Variants in PODXL observed in about 807,000 individuals in gnomAD.
The protein encoded by PODXL is podocalyxin.
PODXL carries 20 observed loss-of-function variants against 48.9 expected under a neutral mutation model. The observed-to-expected ratio is 0.41, with a 90% CI of 0.29 to 0.59. The LOEUF (loss-of-function observed/expected upper bound fraction) is 0.59. PODXL is among the 20% of genes least tolerant of loss of function. PODXL has a pLI of 0.31. For synonymous variants in PODXL, 295 were observed against 287.4 expected (o/e 1.03, Z -0.27); for missense variants, 606 against 675.1 (o/e 0.90, Z 1.13).
intron 1 of PODXL, among the ~76,000 whole-genome samples, chr7:131,544,477 C>T (rs1317611226): frequency 1.3e-5 from 2 of 152,218 alleles, no homozygotes; most frequent in Non-Finnish European, 2.9e-5. Flanking sequence ...AGCCGATCCA[C>T]AGCACAAGCT....
At chr7:131,524,787 A>C (rs1798154079) in intron 1 of PODXL, among the ~76,000 whole-genome samples, 1 of 152,194 alleles carries the variant, frequency 6.6e-6, no homozygotes, top group Non-Finnish European at 1.5e-5. Flanking sequence ...GTCACATAAA[A>C]ACCTACATGC....
intron 1 of PODXL, among the ~76,000 whole-genome samples, chr7:131,533,592 C>T (rs754337285): frequency 2.6e-5 from 4 of 152,180 alleles, no homozygotes; most frequent in African/African-American, 4.8e-5. Flanking sequence ...GCAGGGAGGG[C>T]ACTGTGGCCA....
In PODXL at chr7:131,556,278, G is replaced by GCGACGGCGACGGCGACGGCGACGA. The variant is rs1798742670; in HGVS notation, c.81_82insTCGTCGCCGTCGCCGTCGCCGTCG (p.Ser27_Pro28insSerSerProSerProSerProSer). On this transcript the variant is annotated inframe_insertion, in exon 1 of 9. Transcript: ENST00000378555. ...CACTCACCATTCTGGGAGGGCGACG[G>GCGACGGCGACGGCGACGGCGACGA]CGACGGCGACGGCGACGACGGCAGC... 1 of 1,460,104 alleles carries GCGACGGCGACGGCGACGGCGACGA rather than the reference G, an allele frequency of 6.8e-7. No homozygotes were observed. The highest frequency in any genetic ancestry group is 9.0e-7 in the Non-Finnish European group (1 of 1,115,838). 90.4% of individuals were successfully genotyped at this position (1,460,104 alleles called of 1,614,324 possible). A position where few individuals can be genotyped will look rare whatever the true frequency, so the allele number is the denominator to read the frequency against.
chr7:131,509,211 G>T, intron 4 of PODXL, 154 bp downstream of exon 4: 1 of 813,838 alleles, frequency 1.2e-6, no homozygotes, highest in Non-Finnish European at 2.1e-6. Flanking sequence ...GCCAGGACCA[G>T]GCTAACCAGG....
intron 1 of PODXL, among the ~76,000 whole-genome samples, chr7:131,542,031 C>T (rs1013938845): frequency 1.3e-5 from 2 of 152,176 alleles, no homozygotes; most frequent in East Asian, 1.9e-4. Context: ...CACACTCATG[C>T]GCACAGCTGT....
At chr7:131,516,367 C>T (rs879412527) in intron 1 of PODXL, among the ~76,000 whole-genome samples, 5 of 152,076 alleles carry the variant, frequency 3.3e-5, no homozygotes, top group African/African-American at 7.2e-5. Flanking sequence ...GGTGAAACCC[C>T]GTCTCTACTA....
Position 131,511,242 on chromosome 7 carries a change from G to C in PODXL, c.292C>G (p.Gln98Glu). 6.2e-7 allele frequency: 1 copy of C among 1,614,080 alleles called. No individual in the cohort carries two copies. The highest frequency in any genetic ancestry group is 8.5e-7 in the Non-Finnish European group (1 of 1,179,994). Residue 98 changes from glutamine (Q) to glutamate (E), a missense_variant, in exon 2 of 9, where the codon CAA becomes GAA. Physicochemically the swap from Gln to Glu is conservative, Grantham distance 29. Coordinates refer to ENST00000378555, the MANE Select transcript of PODXL (RefSeq NM_001018111.3). ...DSPGTTTLAQ[Q>E]VSGPVNTTVA... Reference sequence around the variant, plus strand: ...GTAGTGTTGACTGGGCCTGAGACTTGCTGAGCCAGGGTTGTAGTCCCCGGT... The same window carrying C: ...GTAGTGTTGACTGGGCCTGAGACTTCCTGAGCCAGGGTTGTAGTCCCCGGT...
intron 4 of PODXL, 31 bp downstream of exon 4, chr7:131,509,334 C>A (rs747926187): frequency 1.2e-5 from 19 of 1,538,244 alleles, no homozygotes; most frequent in Middle Eastern, 1.7e-4. Context: ...AGTCTGGGTT[C>A]TCCTACTTGC....
rs187904089 is a variant in PODXL at position 131,510,280 on chromosome 7, G to A, written c.758C>T (p.Ser253Leu). 1.0e-5 allele frequency: 4 copies of A among 401,192 alleles called. No homozygotes were observed. The highest frequency in any genetic ancestry group is 4.5e-5 in the African/African-American group (2 of 44,550). The allele number at this position is 401,192 out of a possible 1,614,324, so 24.9% of individuals were successfully genotyped here. ...VSQAGLELLT[S>L]GDLPTLASQS... ...GGAGGCCAAGGTGGGCAGATCACCC[G>A]AGGTCAGGAGTTCAAGACCAGCCTG... The change falls in exon 3 of 9, where the codon TCG becomes TTG. Residue 253 changes from serine (S) to leucine (L), a missense_variant. By Grantham distance (145) the Ser-to-Leu change is moderately radical. Coordinates refer to ENST00000378555, the MANE Select transcript of PODXL (RefSeq NM_001018111.3).
Position 131,500,482 on chromosome 7 carries a change from G to A in PODXL, c.*3829C>T, listed in dbSNP as rs1182078850. The A allele has an allele frequency of 1.3e-5, 2 of 152,564 alleles. No homozygotes were observed. The highest frequency in any genetic ancestry group is 1.3e-4 in the Admixed American group (2 of 15,280). 9.5% of individuals were successfully genotyped at this position (152,564 alleles called of 1,614,324 possible). A position where few individuals can be genotyped will look rare whatever the true frequency, so the allele number is the denominator to read the frequency against. ...TGCAGACAAAAAGACCAACACCAAA[G>A]AGTCATCTGTGTCCTCCATGCTGTG... On this transcript the variant is annotated 3_prime_UTR_variant, in exon 9 of 9. Transcript: ENST00000378555.
intron 1 of PODXL, among the ~76,000 whole-genome samples, chr7:131,523,678 C>CAA (rs753654977): frequency 4.7e-4 from 29 of 61,920 alleles, no homozygotes; most frequent in African/African-American, 1.2e-3. Context: ...GAATCCGTCT[C>CAA]AAAAAAAAAA....
Position 131,511,190 on chromosome 7 carries a change from T to C in PODXL, c.344A>G (p.Asn115Ser). The change falls in exon 2 of 9, where the codon AAC (asparagine) becomes AGC (serine). Residue 115 changes from asparagine (N) to serine (S), a missense_variant. Transcript: ENST00000378555. ...TTVARGGGSGNPTTTIESPKS... is the reference protein window; with the variant it reads ...TTVARGGGSGSPTTTIESPKS... Reference sequence around the variant, plus strand: ...GGGGCTCTCGATGGTGGTAGTAGGGTTGCCTGAGCCGCCTCCTCTAGCCAC... The same window carrying C: ...GGGGCTCTCGATGGTGGTAGTAGGGCTGCCTGAGCCGCCTCCTCTAGCCAC... 4 of 1,614,026 alleles carry C rather than the reference T, an allele frequency of 2.5e-6. No homozygotes were observed. Among genetic ancestry groups the C allele is most frequent in the Non-Finnish European group, 3.4e-6 (4 of 1,179,988 alleles).
intron 1 of PODXL, among the ~76,000 whole-genome samples, chr7:131,553,040 C>CCT (rs1316139174): frequency 6.6e-6 from 1 of 152,134 alleles, no homozygotes; most frequent in Non-Finnish European, 1.5e-5. Flanking sequence ...CCCACCTTGG[C>CCT]CTCTCAAATT....
chr7:131,534,014 T>C (rs966397363), intron 1 of PODXL, among the ~76,000 whole-genome samples: 1 of 147,122 alleles, frequency 6.8e-6, no homozygotes, highest in African/African-American at 2.5e-5. Flanking sequence ...GCTATAATTA[T>C]ATTCCTGCTG....
intron 1 of PODXL, among the ~76,000 whole-genome samples, chr7:131,524,387 G>GAGAGAGAGAGAGAGAGAGAC (rs1401006227): frequency 1.6e-4 from 18 of 116,090 alleles, no homozygotes; most frequent in Non-Finnish European, 3.0e-4. Flanking sequence ...CACAGAGAGA[G>GAGAGAGAGAGAGAGAGAGAC]AGAGAGAGAG....
At chr7:131,513,544 A>T (rs1245150310) in intron 1 of PODXL, among the ~76,000 whole-genome samples, 2 of 152,208 alleles carry the variant, frequency 1.3e-5, no homozygotes, top group African/African-American at 4.8e-5. Flanking sequence ...TGCTCCTATG[A>T]AAATGCCAGC....
At position 131,554,823 on chromosome 7, in the gene PODXL, C is replaced by T. The variant is rs756797520; in HGVS notation, c.100+1437G>A. ...CAAAAGGTTCGTATGAAGGCCCACCCTGAAGTCCAGCTGTCCCCAGAGTAG... is the reference window on the plus strand; with the variant it reads ...CAAAAGGTTCGTATGAAGGCCCACCTTGAAGTCCAGCTGTCCCCAGAGTAG... On this transcript the variant is annotated intron_variant, in intron 1 of 8. Transcript: ENST00000378555. 3.5e-4 allele frequency among the ~76,000 whole-genome samples: 53 copies of T among 152,318 alleles called. No homozygotes were observed. The Middle Eastern group carries it at 0.014, about 39-fold the overall frequency.
At chr7:131,510,509 C>A (rs1384598248) in intron 2 of PODXL, among the ~76,000 whole-genome samples, 178 bp from the exon 3 acceptor site, 2 of 149,008 alleles carry the variant, frequency 1.3e-5, no homozygotes, top group East Asian at 2.0e-4. Flanking sequence ...GACTCCATCT[C>A]AAAAATAAAT....
At chr7:131,512,588 G>T (rs992447901) in intron 1 of PODXL, among the ~76,000 whole-genome samples, 1 of 152,052 alleles carries the variant, frequency 6.6e-6, no homozygotes, top group African/African-American at 2.4e-5. Flanking sequence ...TGGTAAGGAG[G>T]GGTCAGGTTC....
Sources: gnomAD v4.1 joint callset for allele counts (sites outside exome capture counted in the v4.1 genomes callset) on GRCh38, gnomAD v4.1.1 for gene constraint, MANE v1.5 for transcripts, NCBI Gene and HGNC (gene_info 2026-07-23, HGNC 2026-07-21) for gene names.